POLN: variants seen among roughly 807,000 people sequenced by gnomAD.
POLN encodes the protein DNA polymerase N.
Under a neutral mutation model 113.5 loss-of-function variants are expected in POLN, and 108 were observed. The observed-to-expected ratio is 0.95, with a 90% confidence interval of 0.81 to 1.12. POLN has a LOEUF of 1.12. Ranked by LOEUF, POLN falls within the 50% of genes most tolerant of loss-of-function variation. POLN has a pLI of 0.00. For synonymous variants in POLN, 386 were observed against 391.5 expected (o/e 0.99, Z 0.17); for missense variants, 1,097 against 1,077.1 (o/e 1.02, Z -0.26).
Position 2,081,091 on chromosome 4 carries a change from C to T in POLN, c.2309-55G>A, listed in dbSNP as rs373871808. 3.1e-6 allele frequency: 5 copies of T among 1,611,802 alleles called. No homozygotes were observed. In the African/African-American group the frequency reaches 5.3e-5, roughly 17 times the overall value. ...CCCATGGCACACGGTTCATGGTGCA[C>T]TCAGCATTCTGCACCATCGCCACAG... On this transcript the variant is annotated intron_variant, in intron 22 of 25. Transcript: ENST00000511885.
intron 4 of POLN, among the ~76,000 whole-genome samples, chr4:2,210,835 C>T (rs1278323439): frequency 6.7e-6 from 1 of 149,916 alleles, no homozygotes; most frequent in African/African-American, 2.4e-5. Context: ...GCAGGAGAAT[C>T]GCTTAAACCC....
intron 11 of POLN, among the ~76,000 whole-genome samples, chr4:2,173,202 AAAG>A (rs1191049922): frequency 6.6e-6 from 1 of 152,198 alleles, no homozygotes. Context: ...AGGACTCTGG[AAAG>A]TCTGTGCTTT....
In POLN at chr4:2,198,715, G is replaced by T; in HGVS notation, c.717C>A (p.Thr239=). 1 of 1,599,214 alleles carries T rather than the reference G, an allele frequency of 6.3e-7. No individual in the cohort carries two copies. The highest frequency in any genetic ancestry group is 8.5e-7 in the Non-Finnish European group (1 of 1,172,780). ...DGSTQLGADQ[T]PVSSVRGIVV... ...CAATTCCTCTAACAGAAGAAACGGG[G>T]GTCTGTGGAAACACAACAAAATAAA... The change falls in exon 6 of 26, where the codon ACC becomes ACA. Residue 239 remains threonine (T), a splice_region_variant and synonymous_variant. Transcript: ENST00000511885.
chr4:2,190,023 C>CAAAAAAA (rs58730240), intron 7 of POLN, among the ~76,000 whole-genome samples: 6 of 86,132 alleles, frequency 7.0e-5, no homozygotes, highest in South Asian at 3.9e-4. Context: ...GACTCCATCT[C>CAAAAAAA]AAAAAAAAAA....
chr4:2,110,343 A>G (rs1164185722), intron 19 of POLN, among the ~76,000 whole-genome samples: 1 of 152,166 alleles, frequency 6.6e-6, no homozygotes, highest in Non-Finnish European at 1.5e-5. Context: ...GAGAAGCAAG[A>G]GCAAACACAT....
In POLN at chr4:2,143,314, A is replaced by C. The variant is rs187916022; in HGVS notation, c.1732-12024T>G. Among the ~76,000 whole-genome samples, 3 of 152,328 alleles carry C rather than the reference A, an allele frequency of 2.0e-5. 1 individual carries two copies. The highest frequency in any genetic ancestry group is 2.0e-4 in the Admixed American group (3 of 15,298). On this transcript the variant is annotated intron_variant, in intron 16 of 25. Coordinates refer to ENST00000511885, the MANE Select transcript of POLN (RefSeq NM_181808.4). ...TGACAAAACTCTCAGTAGATTGACA[A>C]AGAAAAAACAGAGAAGACACAAATT... is the stretch of plus-strand genomic sequence containing the variant.
chr4:2,208,377 G>A lies in POLN; in HGVS notation c.324C>T (p.Ser108=), dbSNP rs34459048. Residue 108 remains serine (S), a synonymous_variant, in exon 5 of 26, where the codon AGC becomes AGT. Transcript: ENST00000511885. ...AACTTGAAAGAGTCAATGAGCTGAT[G>A]CTCTTCTGTTTTTGGTCAGCAGACA... The part of the protein sequence containing the change: ...DQLSADQKQK[S]ISSLTLSSCL... 7.2e-5 allele frequency: 116 copies of A among 1,613,522 alleles called. No homozygotes were observed. In the African/African-American group the frequency reaches 1.4e-3, roughly 19 times the overall value.
chr4:2,240,793 C>A (rs891116277), intron 2 of POLN: 6 of 1,613,750 alleles, frequency 3.7e-6, no homozygotes, highest in Non-Finnish European at 5.1e-6. Context: ...TCAGACAACA[C>A]GTTCTGTTCA....
At chr4:2,106,030 G>A (rs899123963) in intron 19 of POLN, among the ~76,000 whole-genome samples, 43 of 152,044 alleles carry the variant, frequency 2.8e-4, no homozygotes, top group African/African-American at 9.4e-4. Context: ...GCAAACTCAG[G>A]AAGAGTTTAC....
chr4:2,107,023 C>G lies in POLN; in HGVS notation c.1983-11090G>C, dbSNP rs1731082052. ...ATCTTCATAAAATTGAAGTTTCCAA[C>G]CTGTCTTTTCTGTGCTATTCTATTT... On this transcript the variant is annotated intron_variant, in intron 19 of 25. Transcript: ENST00000511885. Among the ~76,000 whole-genome samples, 4 of 152,010 alleles carry G rather than the reference C, an allele frequency of 2.6e-5. 1 individual carries two copies. In the South Asian group the frequency reaches 6.2e-4, roughly 24 times the overall value.
At chr4:2,078,510 G>T in intron 23 of POLN, 2 of 753,452 alleles carry the variant, frequency 2.7e-6, no homozygotes, top group Non-Finnish European at 3.2e-6. Flanking sequence ...TCTCGCTCTC[G>T]CCCAGGCTGG....
intron 7 of POLN, among the ~76,000 whole-genome samples, chr4:2,185,897 G>C (rs1258665066): frequency 6.6e-6 from 1 of 152,144 alleles, no homozygotes; most frequent in African/African-American, 2.4e-5. Context: ...AATAAAAAGA[G>C]ATTATTGGTA....
intron 5 of POLN, among the ~76,000 whole-genome samples, chr4:2,204,785 C>T (rs1162337329): frequency 2.0e-5 from 3 of 152,190 alleles, no homozygotes; most frequent in African/African-American, 7.2e-5. Context: ...GTTGGTCTAA[C>T]ATACGCAAGT....
intron 21 of POLN, chr4:2,083,024 A>T (rs540253499): frequency 6.6e-6 from 1 of 151,654 alleles, no homozygotes; most frequent in Non-Finnish European, 1.5e-5. Flanking sequence ...TCTAACAAGG[A>T]CTCTCCGCTC....
Position 2,075,156 on chromosome 4 carries a change from C to T in POLN, c.2455+296G>A, listed in dbSNP as rs148355081. Among the ~76,000 whole-genome samples the T allele has an allele frequency of 7.6e-4, 116 of 152,344 alleles. No homozygotes were observed. In the East Asian group the frequency reaches 0.019, roughly 25 times the overall value. On this transcript the variant is annotated intron_variant, in intron 24 of 25. Coordinates refer to ENST00000511885, the MANE Select transcript of POLN (RefSeq NM_181808.4). ...AGACATAGAGGCCTTGGGCCTCAGA[C>T]AAAGCAGCCTTGGGTGTCTGCAGCT...
rs563170764 is a variant in POLN, at chr4:2,080,707, G to C, written c.2387+251C>G. 824 of 1,391,090 alleles carry C rather than the reference G, an allele frequency of 5.9e-4. 5 individuals are homozygous for C. In the African/African-American group the frequency reaches 0.011, roughly 18 times the overall value. 86.2% of individuals were successfully genotyped at this position (1,391,090 alleles called of 1,614,324 possible). A position where few individuals can be genotyped will look rare whatever the true frequency, so the allele number is the denominator to read the frequency against. ...TGTGCTGTGCAGACACCCCGAGGAG[G>C]AGGGGTCTGGGGGAGACAGCATTTC... On this transcript the variant is annotated intron_variant, in intron 23 of 25. Coordinates refer to ENST00000511885, the MANE Select transcript of POLN (RefSeq NM_181808.4).
At chr4:2,072,469 C>A (rs972036509) in intron 25 of POLN, among the ~76,000 whole-genome samples, 170 bp from the exon 26 acceptor site, 1 of 152,238 alleles carries the variant, frequency 6.6e-6, no homozygotes, top group Admixed American at 6.5e-5. Flanking sequence ...TCACCACACT[C>A]GCCCAGCAAC....
At position 2,081,740 on chromosome 4, in the gene POLN, C is replaced by T. The variant is rs1372129481; in HGVS notation, c.2201G>A (p.Cys734Tyr). 2.5e-6 allele frequency: 4 copies of T among 1,613,808 alleles called. No individual in the cohort carries two copies. The highest frequency in any genetic ancestry group is 1.1e-5 in the South Asian group (1 of 91,082). The change falls in exon 22 of 26, where the codon TGT becomes TAT. Residue 734 changes from cysteine (C) to tyrosine (Y), a missense_variant. Cys to Tyr is a radical substitution (Grantham distance 194). Coordinates refer to ENST00000511885, the MANE Select transcript of POLN (RefSeq NM_181808.4). ...AAIAQCHQTG[C>Y]VVSIMGRRRP... ...CCTTCTGCCCATGATGGACACCACA[C>T]AGCCTGAGTCACACAGAGCAAAAGT...
intron 13 of POLN, among the ~76,000 whole-genome samples, chr4:2,160,393 T>C (rs1732550663): frequency 6.6e-6 from 1 of 152,124 alleles, no homozygotes; most frequent in South Asian, 2.1e-4. Flanking sequence ...TCTCCTTCTG[T>C]GGCTAGCTTT....
Sources: allele counts gnomAD v4.1 joint callset (sites outside exome capture counted in the v4.1 genomes callset), GRCh38; gene constraint gnomAD v4.1.1; transcripts MANE v1.5; gene names NCBI Gene and HGNC (gene_info 2026-07-23, HGNC 2026-07-21).